Variants in NLRP2 observed in about 807,000 individuals in gnomAD.
NLRP2 encodes NLR family pyrin domain containing 2, also known as NACHT, LRR and PYD domains-containing protein 2.
In NLRP2, 107 loss-of-function variants were observed where a neutral mutation model predicts 97.2. That is an observed-to-expected ratio of 1.10 (90% CI 0.94 to 1.29). The LOEUF is 1.29. NLRP2 is among the 50% of genes most tolerant of loss of function. NLRP2 has a pLI of 0.00. For synonymous variants in NLRP2, 663 were observed against 551.5 expected (o/e 1.20, Z -2.83); for missense variants, 1,495 against 1,330.3 (o/e 1.12, Z -1.93).
At chr19:54,973,915 G>A in intron 2 of NLRP2, 2 of 723,462 alleles carry the variant, frequency 2.8e-6, no homozygotes, top group Non-Finnish European at 5.0e-6. Context: ...GGTATGCCCA[G>A]GGGAAGTAGT....
chr19:54,990,659 C>T lies in NLRP2; in HGVS notation c.2695C>T (p.Leu899=). ...GGGCTTGAGGTACCCCGAGTGTAAACTGCAGACCTTGGTGTAAGTCCGTGC... is the reference window on the plus strand; with the variant it reads ...GGGCTTGAGGTACCCCGAGTGTAAATTGCAGACCTTGGTGTAAGTCCGTGC... ...CEGLRYPECK[L]QTLVLWNCDI... The change falls in exon 10 of 13, where the codon CTG becomes TTG. Residue 899 remains leucine, a synonymous_variant. Coordinates refer to ENST00000448584, the MANE Select transcript of NLRP2 (RefSeq NM_017852.5). 6.2e-7 allele frequency: 1 copy of T among 1,614,140 alleles called. No homozygotes were observed. Among genetic ancestry groups the T allele is most frequent in the Non-Finnish European group, 8.5e-7 (1 of 1,180,040 alleles).
chr19:54,990,414 G>A, intron 9 of NLRP2, 88 bp from the exon 10 acceptor site: 2 of 1,386,260 alleles, frequency 1.4e-6, no homozygotes, highest in Non-Finnish European at 2.1e-6. Flanking sequence ...CACAAGAAGG[G>A]GCTTTTGGAT....
intron 11 of NLRP2, among the ~76,000 whole-genome samples, chr19:54,996,829 T>C (rs1342688651): frequency 6.6e-6 from 1 of 151,988 alleles, no homozygotes; most frequent in Non-Finnish European, 1.5e-5. Context: ...CCCCCAGTTA[T>C]TCCCTGTACC....
chr19:54,980,260 G>C (rs1459219898), intron 4 of NLRP2, among the ~76,000 whole-genome samples: 1 of 151,362 alleles, frequency 6.6e-6, no homozygotes, highest in Non-Finnish European at 1.5e-5. Flanking sequence ...GTGCAGTGGC[G>C]CAATCTCGGC....
At chr19:54,970,770 C>CTTTTTTTTTTTTTTTTTTTCCTTTTTTT (rs34406686) in intron 2 of NLRP2, among the ~76,000 whole-genome samples, 1 of 108,456 alleles carries the variant, frequency 9.2e-6, no homozygotes, top group Non-Finnish European at 1.9e-5. Context: ...CTACCTACTT[C>CTTTTTTTTTTTTTTTTTTTCCTTTTTTT]TTTTTTTTTT....
rs770340590 is a variant in NLRP2 at position 54,990,616 on chromosome 19, G to C, written c.2652G>C (p.Gly884=). The C allele has an allele frequency of 6.2e-7, 1 of 1,614,056 alleles. No individual in the cohort carries two copies. Among genetic ancestry groups the C allele is most frequent in the Non-Finnish European group, 8.5e-7 (1 of 1,180,044 alleles). The change falls in exon 10 of 13, where the codon GGG becomes GGC. Residue 884 remains glycine, a synonymous_variant. Transcript: ENST00000448584. ...CCAAGAACCCCATTGGGAATACAGGGGTGAAGTTTCTGTGTGAGGGCTTGA... is the reference window on the plus strand; with the variant it reads ...CCAAGAACCCCATTGGGAATACAGGCGTGAAGTTTCTGTGTGAGGGCTTGA... The part of the protein sequence containing the change: ...CLAKNPIGNT[G]VKFLCEGLRY...
At position 54,992,404 on chromosome 19, in the gene NLRP2, C is replaced by G. The variant is rs547620431; in HGVS notation, c.2708+1732C>G. 2.4e-4 allele frequency among the ~76,000 whole-genome samples: 36 copies of G among 151,912 alleles called. No individual in the cohort carries two copies. In the South Asian group the frequency reaches 7.5e-3, roughly 32 times the overall value. ...AGGATTCTTCCCACACCCACTATAT[C>G]TAGGCCCTGAAACATTAAAAAAGAA... On this transcript the variant is annotated intron_variant, in intron 10 of 12. Coordinates refer to ENST00000448584, the MANE Select transcript of NLRP2 (RefSeq NM_017852.5).
intron 2 of NLRP2, among the ~76,000 whole-genome samples, chr19:54,971,203 T>C (rs572385596): frequency 5.3e-4 from 81 of 151,686 alleles, no homozygotes; most frequent in Middle Eastern, 3.4e-3. Flanking sequence ...TGCCACATTT[T>C]CTTAATCCAG....
intron 11 of NLRP2, 82 bp downstream of exon 11, chr19:54,994,521 C>G: frequency 6.9e-7 from 1 of 1,441,668 alleles, no homozygotes; most frequent in Non-Finnish European, 9.8e-7. Flanking sequence ...GTGAAGCCGA[C>G]TTCCCAAGTT....
At chr19:54,994,108 G>T in intron 10 of NLRP2, 161 bp from the exon 11 acceptor site, 1 of 780,398 alleles carries the variant, frequency 1.3e-6, no homozygotes, top group African/African-American at 1.7e-5. Flanking sequence ...GACATCTTTA[G>T]GGGAGGCCAT....
At chr19:54,967,441 C>T (rs1407268628) in intron 1 of NLRP2, among the ~76,000 whole-genome samples, 3 of 152,064 alleles carry the variant, frequency 2.0e-5, no homozygotes, top group African/African-American at 4.8e-5. Flanking sequence ...TAGATCATAC[C>T]ATTGCTCTCC....
At chr19:54,989,838 G>T in intron 8 of NLRP2, 184 bp from the exon 9 acceptor site, 1 of 640,078 alleles carries the variant, frequency 1.6e-6, no homozygotes, top group Non-Finnish European at 2.7e-6. Context: ...TACAAAATTA[G>T]CTGGGCATGT....
chr19:54,997,507 C>A lies in NLRP2; in HGVS notation c.3050+20C>A. ...ACTCAGGTATGATCCATTTACTTCC[C>A]CATCAGGCTTTCTCCAGAGTGGTAG... On this transcript the variant is annotated intron_variant, in intron 12 of 12. Transcript: ENST00000448584. 1 of 1,613,828 alleles carries A rather than the reference C, an allele frequency of 6.2e-7. No individual in the cohort carries two copies. Among genetic ancestry groups the A allele is most frequent in the Non-Finnish European group, 8.5e-7 (1 of 1,179,734 alleles).
At chr19:54,987,137 C>CCCGCA (rs1055999567) in intron 8 of NLRP2, among the ~76,000 whole-genome samples, 1 of 146,572 alleles carries the variant, frequency 6.8e-6, no homozygotes, top group African/African-American at 2.5e-5. Context: ...TACCCCCCCA[C>CCCGCA]CCCCACCCCA....
chr19:54,986,544 A>G (rs912948253), intron 8 of NLRP2: 8 of 574,294 alleles, frequency 1.4e-5, no homozygotes, highest in African/African-American at 7.6e-5. Flanking sequence ...AAACTCCCAG[A>G]ATCTTTATCA....
chr19:54,974,757 C>T (rs1019575074), intron 3 of NLRP2, among the ~76,000 whole-genome samples: 1 of 152,118 alleles, frequency 6.6e-6, no homozygotes, highest in Admixed American at 6.6e-5. Flanking sequence ...TAAATACATA[C>T]AAAGCGGGGA....
intron 12 of NLRP2, among the ~76,000 whole-genome samples, chr19:54,999,784 T>C (rs536496600): frequency 6.6e-6 from 1 of 152,276 alleles, no homozygotes; most frequent in South Asian, 2.1e-4. Flanking sequence ...TTGCTCAGGC[T>C]GGAGTGCAGG....
At chr19:54,967,410 A>AG (rs61438939) in intron 1 of NLRP2, among the ~76,000 whole-genome samples, 45,343 of 151,964 alleles carry the variant, frequency 0.3, 7,177 homozygotes, top group African/African-American at 0.41. Flanking sequence ...TGAACCCGGG[A>AG]AGCGGAGGTT....
chr19:54,992,543 G>C (rs1448984483), intron 10 of NLRP2, among the ~76,000 whole-genome samples: 4 of 59,518 alleles, frequency 6.7e-5, no homozygotes, highest in South Asian at 9.7e-4. Flanking sequence ...TTTTTTGGGG[G>C]GGGGGGGGTT....
Sources: gnomAD v4.1 joint callset for allele counts (sites outside exome capture counted in the v4.1 genomes callset) on GRCh38, gnomAD v4.1.1 for gene constraint, MANE v1.5 for transcripts, NCBI Gene and HGNC (gene_info 2026-07-23, HGNC 2026-07-21) for gene names.